Variants in ZNF20 observed in about 807,000 individuals in gnomAD.
ZNF20 encodes the protein zinc finger protein KOX13.
In ZNF20, 9 loss-of-function variants were observed where a neutral mutation model predicts 11.0. The ratio of observed to expected loss-of-function variants is 0.82; its 90% CI spans 0.49 to 1.43. The LOEUF (loss-of-function observed/expected upper bound fraction) is 1.43, where lower values mean the gene tolerates loss of function less well. Among genes scored for constraint, ZNF20 ranks in the 40% most tolerant of loss-of-function variants. ZNF20 has a pLI of 0.00. For synonymous variants in ZNF20, 182 were observed against 213.0 expected, an observed-to-expected ratio of 0.85 and a Z score of 1.27; for missense variants, 528 against 640.8, an observed-to-expected ratio of 0.82 and a Z score of 1.90.
rs1184663350 is a variant in ZNF20 at position 12,140,332 on chromosome 19, A to T, written c.-150T>A. ...CTGGTATCCCGACAACAACCTGCAT[A>T]GCAACAAAAGTAGAAGCTGGAATGG... is the stretch of plus-strand genomic sequence containing the variant. On this transcript the variant is annotated 5_prime_UTR_variant, in exon 1 of 4. Coordinates refer to ENST00000334213, the MANE Select transcript of ZNF20 (RefSeq NM_021143.4). 4 of 1,014,526 alleles carry T rather than the reference A, an allele frequency of 3.9e-6. 1 individual carries two copies. The highest frequency in any genetic ancestry group is 4.5e-6 in the Non-Finnish European group (3 of 661,052). The allele number at this position is 1,014,526 out of a possible 1,614,324, so 62.8% of individuals were successfully genotyped here.
In ZNF20 at chr19:12,133,212, T is replaced by C. The variant is rs752912328; in HGVS notation, c.974A>G (p.His325Arg). Reference sequence around the variant, plus strand: ...GTGAGTCCTTCCATGCTTTTGAAGGTGTGAGCCACATCTAAAGGCTTTCCC... The same window carrying C: ...GTGAGTCCTTCCATGCTTTTGAAGGCGTGAGCCACATCTAAAGGCTTTCCC... The part of the protein sequence containing the change: ...QCGKAFRCGS[H>R]LQKHGRTHTG... Residue 325 changes from histidine (H) to arginine (R), a missense_variant, in exon 4 of 4, where the codon CAC (histidine) becomes CGC (arginine). By Grantham distance (29) the His-to-Arg change is conservative. Coordinates refer to ENST00000334213, the MANE Select transcript of ZNF20 (RefSeq NM_021143.4). 1 of 1,613,550 alleles carries C rather than the reference T, an allele frequency of 6.2e-7. No individual in the cohort carries two copies. The highest frequency in any genetic ancestry group is 2.2e-5 in the East Asian group (1 of 44,820).
At chr19:12,137,565 A>G (rs1976732470) in intron 1 of ZNF20, 1 of 152,368 alleles carries the variant, frequency 6.6e-6, no homozygotes, top group Non-Finnish European at 1.5e-5. Flanking sequence ...CAAATCTATC[A>G]GAAACAACTC....
rs1976699193 is a variant in ZNF20 at position 12,135,711 on chromosome 19, T to A, written c.139+58A>T. ...CATGTTCCAAATCAATGAACAGCAT[T>A]GATGAGCTAGAAGCATTTGTTCTCT... On this transcript the variant is annotated intron_variant, in intron 2 of 3. Coordinates refer to ENST00000334213, the MANE Select transcript of ZNF20 (RefSeq NM_021143.4). The A allele has an allele frequency of 5.0e-6, 8 of 1,606,476 alleles. No homozygotes were observed. The South Asian group carries it at 8.9e-5, about 18-fold the overall frequency.
chr19:12,132,498 A>T lies in ZNF20; in HGVS notation c.*89T>A. The T allele has an allele frequency of 1.5e-6, 2 of 1,338,162 alleles. No individual in the cohort carries two copies. Among genetic ancestry groups the T allele is most frequent in the African/African-American group, 1.5e-5 (1 of 68,256 alleles). The allele number at this position is 1,338,162 out of a possible 1,614,324, so 82.9% of individuals were successfully genotyped here. On this transcript the variant is annotated 3_prime_UTR_variant, in exon 4 of 4. Coordinates refer to ENST00000334213, the MANE Select transcript of ZNF20 (RefSeq NM_021143.4). Reference sequence around the variant, plus strand: ...TTCTCAATTCAAAAAGCAGTTATCCAGAGGTTCTTTCACCACTCTCTTTTC... The same window carrying T: ...TTCTCAATTCAAAAAGCAGTTATCCTGAGGTTCTTTCACCACTCTCTTTTC...
At position 12,133,131 on chromosome 19, in the gene ZNF20, G is replaced by A. The variant is rs1976651379; in HGVS notation, c.1055C>T (p.Ser352Leu). ...RQCGKAFRCT[S>L]DLQRHEKTHT... is the part of the protein sequence containing the mutation. ...TGTCTTTTCATGCCTTTGAAGGTCCGAGGTACATCTGAAGGCTTTACCACA... is the reference window on the plus strand; with the variant it reads ...TGTCTTTTCATGCCTTTGAAGGTCCAAGGTACATCTGAAGGCTTTACCACA... Residue 352 changes from serine to leucine, a missense_variant, in exon 4 of 4, where the codon TCG (serine) becomes TTG (leucine). Physicochemically the swap from Ser to Leu is moderately radical, Grantham distance 145 (BLOSUM62 -2). Transcript: ENST00000334213. 8 of 1,613,028 alleles carry A rather than the reference G, an allele frequency of 5.0e-6. No homozygotes were observed. Among genetic ancestry groups the A allele is most frequent in the Non-Finnish European group, 5.9e-6 (7 of 1,179,760 alleles).
chr19:12,135,890 T>C lies in ZNF20; in HGVS notation c.18A>G (p.Ser6=). The change falls in exon 2 of 4, where the codon TCA becomes TCG. Residue 6 remains serine (S), a synonymous_variant. Coordinates refer to ENST00000334213, the MANE Select transcript of ZNF20 (RefSeq NM_021143.4). ...TGACAGCCACATCCTCAAAGGCCAC[T>C]GAATCCTGAAACATCTCACATATAT... MMFQD[S]VAFEDVAVSF... 6.2e-7 allele frequency: 1 copy of C among 1,614,058 alleles called. No homozygotes were observed. Among genetic ancestry groups the C allele is most frequent in the African/African-American group, 1.3e-5 (1 of 75,040 alleles).
At chr19:12,137,691 C>G (rs376801030) in intron 1 of ZNF20, 2 of 152,864 alleles carry the variant, frequency 1.3e-5, no homozygotes, top group East Asian at 1.9e-4. Context: ...GATGTTCCCC[C>G]CACTCTGTGT....
intron 1 of ZNF20, 81 bp from the exon 2 acceptor site, chr19:12,135,985 G>A: frequency 6.6e-7 from 1 of 1,525,002 alleles, no homozygotes; most frequent in South Asian, 1.2e-5. Flanking sequence ...TCATGATACT[G>A]TGGACTCCAA....
At chr19:12,140,135 A>C (rs1976777389) in intron 1 of ZNF20, 45 bp downstream of exon 1, 2 of 1,583,890 alleles carry the variant, frequency 1.3e-6, no homozygotes, top group Non-Finnish European at 1.7e-6. Context: ...GGCCGGTTCC[A>C]CCCAGCCCCT....
chr19:12,139,824 C>T lies in ZNF20; in HGVS notation c.3+356G>A, dbSNP rs1976770222. 6.6e-6 allele frequency among the ~76,000 whole-genome samples: 1 copy of T among 152,162 alleles called. No homozygotes were observed. Among genetic ancestry groups the T allele is most frequent in the African/African-American group, 2.4e-5 (1 of 41,436 alleles). ...GGATTACAAGCATGGTCCACCGCGC[C>T]CGGCCCAAACTCTTTAACAGAAAAA... On this transcript the variant is annotated intron_variant, in intron 1 of 3. Transcript: ENST00000334213. The surrounding 1 kb of genome is among the most constrained non-coding windows in gnomAD (Gnocchi z 4.0).
At position 12,140,175 on chromosome 19, in the gene ZNF20, C is replaced by G; in HGVS notation, c.3+5G>C. ...CGTCTGGGGACTCCGGCCCCATACA[C>G]TCACCATTTCCCGGCTTCTGGGTGT... On this transcript the variant is annotated splice_donor_5th_base_variant and intron_variant, in intron 1 of 3. Transcript: ENST00000334213. 1.2e-6 allele frequency: 2 copies of G among 1,603,176 alleles called. No individual in the cohort carries two copies. The highest frequency in any genetic ancestry group is 1.7e-6 in the Non-Finnish European group (2 of 1,174,692).
chr19:12,133,906 G>A lies in ZNF20; in HGVS notation c.280C>T (p.Leu94=), dbSNP rs1230476479. ...ESFNQIADDM[L]NRKTLPGITP... is the part of the protein sequence containing the mutation. ...ATTCCAGGAAGAGTTTTCCTGTTCA[G>A]CATGTCATCTGCAATCTGGTTGAAG... Residue 94 remains leucine (L), a synonymous_variant, in exon 4 of 4, where the codon CTG becomes TTG. Coordinates refer to ENST00000334213, the MANE Select transcript of ZNF20 (RefSeq NM_021143.4). 6.2e-7 allele frequency: 1 copy of A among 1,614,014 alleles called. No individual in the cohort carries two copies.
chr19:12,136,993 C>A (rs912887763), intron 1 of ZNF20: 2 of 342,398 alleles, frequency 5.8e-6, no homozygotes, highest in Non-Finnish European at 1.1e-5. Context: ...ATGGGTTTCA[C>A]TTTCTTATAA....
At position 12,131,405 on chromosome 19, in the gene ZNF20, C is replaced by T. The variant is rs918230247; in HGVS notation, c.*1182G>A. The stretch of plus-strand genomic sequence containing the variant: ...TTTAATATCTCACACATCTCACAGT[C>T]ATCTATGGCTTTTGGTCATATTCAT... On this transcript the variant is annotated 3_prime_UTR_variant, in exon 4 of 4. Coordinates refer to ENST00000334213, the MANE Select transcript of ZNF20 (RefSeq NM_021143.4). 3.3e-5 allele frequency: 5 copies of T among 152,174 alleles called. No individual in the cohort carries two copies. Among genetic ancestry groups the T allele is most frequent in the Non-Finnish European group, 7.3e-5 (5 of 68,042 alleles). The allele number at this position is 152,174 out of a possible 1,614,324, so 9.4% of individuals were successfully genotyped here. A position where few individuals can be genotyped will look rare whatever the true frequency, so the allele number is the denominator to read the frequency against.
chr19:12,136,947 G>A (rs755459821), intron 1 of ZNF20: 76 of 400,606 alleles, frequency 1.9e-4, no homozygotes, highest in Non-Finnish European at 3.2e-4. Flanking sequence ...GCCTGTTACC[G>A]TGACTTCTTA....
At position 12,139,972 on chromosome 19, in the gene ZNF20, A is replaced by G. The variant is rs1976773245; in HGVS notation, c.3+208T>C. On this transcript the variant is annotated intron_variant, in intron 1 of 3. Coordinates refer to ENST00000334213, the MANE Select transcript of ZNF20 (RefSeq NM_021143.4). The surrounding 1 kb of genome is among the most constrained non-coding windows in gnomAD (Gnocchi z 4.0). ...GGTCGGGGCCCACAGTCGCCCGCGC[A>G]GGAACAGAACAGGAGGACGCCCGGG... is the stretch of plus-strand genomic sequence containing the variant. Among the ~76,000 whole-genome samples, 1 of 152,196 alleles carries G rather than the reference A, an allele frequency of 6.6e-6. No homozygotes were observed. Among genetic ancestry groups the G allele is most frequent in the South Asian group, 2.1e-4 (1 of 4,832 alleles).
rs757529994 is a variant in ZNF20 at position 12,132,783 on chromosome 19, T to C, written c.1403A>G (p.Tyr468Cys). ...KAFTCSSSIR[Y>C]HERTHTGEKP... Reference sequence around the variant, plus strand: ...CTCTCCAGTGTGAGTCCTTTCATGATATCGAATGGAACTGGAACAAGTGAA... The same window carrying C: ...CTCTCCAGTGTGAGTCCTTTCATGACATCGAATGGAACTGGAACAAGTGAA... Residue 468 changes from tyrosine to cysteine, a missense_variant, in exon 4 of 4, where the codon TAT becomes TGT. Coordinates refer to ENST00000334213, the MANE Select transcript of ZNF20 (RefSeq NM_021143.4). The C allele has an allele frequency of 1.2e-6, 2 of 1,613,776 alleles. No individual in the cohort carries two copies. The highest frequency in any genetic ancestry group is 1.7e-6 in the Non-Finnish European group (2 of 1,179,914).
At position 12,132,216 on chromosome 19, in the gene ZNF20, A is replaced by T; in HGVS notation, c.*371T>A. The T allele has an allele frequency of 5.1e-6, 1 of 195,718 alleles. No individual in the cohort carries two copies. The highest frequency in any genetic ancestry group is 1.0e-5 in the Non-Finnish European group (1 of 95,956). 12.1% of individuals were successfully genotyped at this position (195,718 alleles called of 1,614,324 possible). A position where few individuals can be genotyped will look rare whatever the true frequency, so the allele number is the denominator to read the frequency against. On this transcript the variant is annotated 3_prime_UTR_variant, in exon 4 of 4. Coordinates refer to ENST00000334213, the MANE Select transcript of ZNF20 (RefSeq NM_021143.4). ...ATCTTTAATGTGGAGCACTGGGGAC[A>T]TATCTGGAGACCTACAACTCTGAGG...
chr19:12,133,890 A>G lies in ZNF20; in HGVS notation c.296T>C (p.Leu99Pro). ...GCTTTCACATGGTGTTATTCCAGGA[A>G]GAGTTTTCCTGTTCAGCATGTCATC... ...IADDMLNRKTLPGITPCESSV... is the reference protein window; with the variant it reads ...IADDMLNRKTPPGITPCESSV... The change falls in exon 4 of 4, where the codon CTT (leucine) becomes CCT (proline). Residue 99 changes from leucine (L) to proline (P), a missense_variant. Physicochemically the swap from Leu to Pro is moderately conservative, Grantham distance 98. Transcript: ENST00000334213. 3 of 1,614,182 alleles carry G rather than the reference A, an allele frequency of 1.9e-6. No individual in the cohort carries two copies. Among genetic ancestry groups the G allele is most frequent in the East Asian group, 2.2e-5 (1 of 44,878 alleles).
Sources: allele counts gnomAD v4.1 joint callset (sites outside exome capture counted in the v4.1 genomes callset), GRCh38; gene constraint gnomAD v4.1.1; non-coding constraint Gnocchi (gnomAD v3.1); transcripts MANE v1.5; gene names NCBI Gene and HGNC (gene_info 2026-07-23, HGNC 2026-07-21).